Variants in TENM1 observed in about 807,000 individuals in gnomAD.
TENM1 encodes teneurin-1.
TENM1 carries 35 observed loss-of-function variants against 174.8 expected under a neutral mutation model. The ratio of observed to expected loss-of-function variants is 0.20; its 90% CI spans 0.15 to 0.27. The LOEUF (loss-of-function observed/expected upper bound fraction) is 0.27. TENM1 is among the 10% of genes least tolerant of loss of function. The pLI is 1.00. For missense variants in TENM1, 1,633 were observed against 2,130.1 expected, an observed-to-expected ratio of 0.77 and a Z score of 4.59; for synonymous variants, 781 against 798.7, an observed-to-expected ratio of 0.98 and a Z score of 0.37.
chrX:124,462,435 GGGGGT>G (rs2061187546), intron 22 of TENM1, among the ~76,000 whole-genome samples: 1 of 99,061 alleles, frequency 1.0e-5, no homozygotes, highest in Non-Finnish European at 2.0e-5. Flanking sequence ...TGTGTGTGGG[GGGGGT>G]GGGGGTGGGG....
At chrX:124,756,647 G>T (rs1343763162) in intron 3 of TENM1, among the ~76,000 whole-genome samples, 5 of 110,478 alleles carry the variant, frequency 4.5e-5, no homozygotes, top group Non-Finnish European at 7.6e-5. Context: ...TTTGATGATG[G>T]TGATGTACAG....
At chrX:125,052,236 G>A in the TENM1 span, among the ~76,000 whole-genome samples, 1 of 111,597 alleles carries the variant, frequency 9.0e-6, no homozygotes. Context: ...GCTGTTGGAA[G>A]TAATCAGTGA....
intron 1 of TENM1, among the ~76,000 whole-genome samples, chrX:124,897,784 G>A (rs2057588233): frequency 8.9e-6 from 1 of 112,114 alleles, no homozygotes; most frequent in South Asian, 3.6e-4. Flanking sequence ...CAAAAACTTG[G>A]CTAAATTCCA....
At chrX:124,745,294 C>T (rs145417638) in intron 3 of TENM1, among the ~76,000 whole-genome samples, 2 of 111,169 alleles carry the variant, frequency 1.8e-5, no homozygotes, top group Non-Finnish European at 3.8e-5. Flanking sequence ...TAATTGGGAG[C>T]TAAACAAGTA....
intron 3 of TENM1, among the ~76,000 whole-genome samples, chrX:124,807,547 A>C (rs1463807013): frequency 8.9e-6 from 1 of 112,059 alleles, no homozygotes; most frequent in Non-Finnish European, 1.9e-5. Context: ...ATAATCTAAA[A>C]CTATAATGGT....
In TENM1 at chrX:124,591,099, C is replaced by T. The variant is rs769374077; in HGVS notation, c.2078-25539G>A. Among the ~76,000 whole-genome samples, 5 of 111,748 alleles carry T rather than the reference C, an allele frequency of 4.5e-5. No individual in the cohort carries two copies. In the South Asian group the frequency reaches 1.9e-3, roughly 42 times the overall value. ...TTGCATGGTAGATCTTTCTCCAACCCTTAACTTTGAGCTTCTGGGTGTCAT... is the reference window on the plus strand; with the variant it reads ...TTGCATGGTAGATCTTTCTCCAACCTTTAACTTTGAGCTTCTGGGTGTCAT... On this transcript the variant is annotated intron_variant, in intron 11 of 31. Coordinates refer to ENST00000422452, the Ensembl canonical transcript of TENM1.
At chrX:124,942,688 G>C (rs1270604661) in intron 1 of TENM1, among the ~76,000 whole-genome samples, 1 of 111,334 alleles carries the variant, frequency 9.0e-6, no homozygotes, top group East Asian at 2.8e-4. Flanking sequence ...TCTATTGCTA[G>C]GGTTCAAACA....
the TENM1 span, among the ~76,000 whole-genome samples, chrX:125,026,858 T>C: frequency 3.6e-5 from 4 of 112,045 alleles, no homozygotes; most frequent in Non-Finnish European, 1.9e-5. Context: ...TGTGATGAAG[T>C]AAATTCATCA....
At chrX:124,754,844 T>A (rs1285488432) in intron 3 of TENM1, among the ~76,000 whole-genome samples, 1 of 106,296 alleles carries the variant, frequency 9.4e-6, no homozygotes, top group Admixed American at 9.8e-5. Context: ...TGCATTGTGG[T>A]CTGAGAAACA....
chrX:124,393,917 G>T (rs1478003911), intron 27 of TENM1, among the ~76,000 whole-genome samples: 2 of 112,498 alleles, frequency 1.8e-5, no homozygotes, highest in Admixed American at 1.9e-4. Flanking sequence ...CAAGAGTGAT[G>T]TTACCACTTT....
At chrX:124,508,277 CTTTG>C (rs1281606680) in intron 18 of TENM1, among the ~76,000 whole-genome samples, 1 of 112,373 alleles carries the variant, frequency 8.9e-6, no homozygotes, top group Non-Finnish European at 1.9e-5. Context: ...GCCTGAAATA[CTTTG>C]TTTATCTATT....
At chrX:124,907,492 C>A (rs1401335367) in intron 1 of TENM1, among the ~76,000 whole-genome samples, 1 of 111,931 alleles carries the variant, frequency 8.9e-6, no homozygotes, top group South Asian at 3.8e-4. Context: ...TTTGCCATTT[C>A]CACCTTAACA....
the TENM1 span, among the ~76,000 whole-genome samples, chrX:125,023,558 T>C: frequency 3.6e-5 from 4 of 109,795 alleles, no homozygotes; most frequent in African/African-American, 1.0e-4. Context: ...TGACAGATGA[T>C]GACATGCAGA....
chrX:124,381,791 CT>C (rs930000264), intron 31 of TENM1, among the ~76,000 whole-genome samples: 36 of 108,980 alleles, frequency 3.3e-4, no homozygotes, highest in African/African-American at 1.1e-3. Flanking sequence ...TAAAAAAAAC[CT>C]TTTTTTTTGG....
rs1357159998 is a variant in TENM1 at position 124,963,533 on chromosome X, A to G, written c.217+4T>C. 1 of 1,185,319 alleles carries G rather than the reference A, an allele frequency of 8.4e-7. No individual in the cohort carries two copies. Among genetic ancestry groups the G allele is most frequent in the East Asian group, 3.0e-5 (1 of 33,758 alleles). ...TTTGTTATAAAGATCCAATAAAAAC[A>G]TACCTTGAGTAGATTTTTCTACTTC... On this transcript the variant is annotated splice_donor_region_variant and intron_variant, in intron 1 of 31. Coordinates refer to ENST00000422452, the Ensembl canonical transcript of TENM1.
At chrX:124,667,536 GC>G (rs1171631086) in intron 6 of TENM1, among the ~76,000 whole-genome samples, 2 of 106,770 alleles carry the variant, frequency 1.9e-5, no homozygotes, top group Non-Finnish European at 3.9e-5. Flanking sequence ...GTTGCAGTGA[GC>G]CGAGATTGCA....
intron 3 of TENM1, among the ~76,000 whole-genome samples, chrX:124,855,551 T>G (rs1047316444): frequency 7.2e-5 from 8 of 111,480 alleles, no homozygotes; most frequent in Non-Finnish European, 1.3e-4. Flanking sequence ...AATAGAGATG[T>G]GTAACAAGAA....
the TENM1 span, among the ~76,000 whole-genome samples, chrX:125,048,550 C>G: frequency 9.0e-6 from 1 of 111,152 alleles, no homozygotes; most frequent in Non-Finnish European, 1.9e-5. Flanking sequence ...TATCAATCTA[C>G]CACCATAGAG....
intron 4 of TENM1, among the ~76,000 whole-genome samples, chrX:124,716,795 T>C (rs375353840): frequency 2.7e-5 from 3 of 111,660 alleles, no homozygotes; most frequent in Admixed American, 9.5e-5. Flanking sequence ...CAGATGGGCA[T>C]GTGTATAACT....
Sources: allele counts gnomAD v4.1 joint callset (sites outside exome capture counted in the v4.1 genomes callset), GRCh38; gene constraint gnomAD v4.1.1; transcripts MANE v1.5; gene names NCBI Gene and HGNC (gene_info 2026-07-23, HGNC 2026-07-21).